PDE4D: variants seen among roughly 807,000 people sequenced by gnomAD.
PDE4D encodes phosphodiesterase 4D.
In PDE4D, 24 loss-of-function variants were observed where a neutral mutation model predicts 87.4. That is an observed-to-expected ratio of 0.27 (90% CI 0.20 to 0.39). The LOEUF is 0.39. Ranked by LOEUF, PDE4D falls within the 10% of genes least tolerant of loss-of-function variation. The pLI, the probability that PDE4D is intolerant of heterozygous loss-of-function variation, is 1.00. For missense variants in PDE4D, 714 were observed against 1,041.0 expected, an observed-to-expected ratio of 0.69 and a Z score of 4.32; for synonymous variants, 384 against 383.2, an observed-to-expected ratio of 1.00 and a Z score of -0.02.
chr5:60,308,871 C>G (rs944330698), intron 1 of PDE4D, among the ~76,000 whole-genome samples: 2 of 152,106 alleles, frequency 1.3e-5, no homozygotes, highest in African/African-American at 4.8e-5. Context: ...ACTTGCCCCC[C>G]GCCCACCACC....
At chr5:59,243,573 C>A (rs1383795224) in intron 1 of PDE4D, among the ~76,000 whole-genome samples, 2 of 145,244 alleles carry the variant, frequency 1.4e-5, no homozygotes, top group Non-Finnish European at 3.0e-5. Context: ...GATTCTCCTG[C>A]CTCAGTCTCC....
intron 1 of PDE4D, among the ~76,000 whole-genome samples, chr5:60,337,829 T>C (rs376351241): frequency 3.9e-5 from 6 of 152,110 alleles, no homozygotes; most frequent in African/African-American, 1.2e-4. Flanking sequence ...AACCAGAGTG[T>C]AATCTTAGCT....
chr5:59,549,749 A>C (rs916572751), intron 1 of PDE4D, among the ~76,000 whole-genome samples: 4 of 152,140 alleles, frequency 2.6e-5, no homozygotes, highest in Non-Finnish European at 4.4e-5. Context: ...ACACAAACAC[A>C]CACATGTACA....
rs147133991 is a variant in PDE4D at position 59,309,234 on chromosome 5, G to A, written c.456-93266C>T. Reference sequence around the variant, plus strand: ...TCTACTCCACCTGTGGAGTCTGCACGCCAGATGTGTGCCCTCCCCTGAGTT... The same window carrying A: ...TCTACTCCACCTGTGGAGTCTGCACACCAGATGTGTGCCCTCCCCTGAGTT... On this transcript the variant is annotated intron_variant, in intron 1 of 14. Coordinates refer to ENST00000340635, the MANE Select transcript of PDE4D (RefSeq NM_001104631.2). Among the ~76,000 whole-genome samples, 142 of 152,234 alleles carry A rather than the reference G, an allele frequency of 9.3e-4. 1 individual carries two copies. Among genetic ancestry groups the A allele is most frequent in the East Asian group, 7.6e-3 (39 of 5,150 alleles).
At chr5:60,482,505 A>T (rs1402448055) in intron 1 of PDE4D, among the ~76,000 whole-genome samples, 1 of 152,132 alleles carries the variant, frequency 6.6e-6, no homozygotes, top group Non-Finnish European at 1.5e-5. Context: ...AGGTGAGCAG[A>T]CTTCTATGAG....
chr5:58,988,698 G>A (rs1355640333), intron 10 of PDE4D, 106 bp from the exon 11 acceptor site: 4 of 482,208 alleles, frequency 8.3e-6, no homozygotes, highest in African/African-American at 3.9e-5. Flanking sequence ...ACAAAATGAA[G>A]CTTCAAAATG....
rs117518784 is a variant in PDE4D, at chr5:59,487,277, G to A, written c.456-271309C>T. Among the ~76,000 whole-genome samples the A allele has an allele frequency of 7.9e-4, 120 of 152,312 alleles. 1 individual carries two copies. In the East Asian group the frequency reaches 0.021, roughly 27 times the overall value. On this transcript the variant is annotated intron_variant, in intron 1 of 14. Transcript: ENST00000340635. ...TTCAAGCATCCTGGGAAAGGTGAGC[G>A]AAACTTCTACTGGGAGTGAAAGGCA... is the stretch of plus-strand genomic sequence containing the variant.
intron 1 of PDE4D, among the ~76,000 whole-genome samples, chr5:60,404,944 A>G (rs1285603828): frequency 2.6e-5 from 4 of 152,254 alleles, no homozygotes; most frequent in Admixed American, 1.3e-4. Context: ...CCTCTAAGCC[A>G]TCTTCTCACA....
chr5:59,586,421 A>G, intron 1 of PDE4D: 7 of 1,599,590 alleles, frequency 4.4e-6, no homozygotes, highest in Admixed American at 1.7e-5. Context: ...CTCCTACGTT[A>G]CATGTAGTGA....
chr5:60,147,841 CT>C (rs1781150712), intron 2 of PDE4D: 1 of 451,940 alleles, frequency 2.2e-6, no homozygotes, highest in African/African-American at 2.0e-5. Context: ...GCTTGAGTGT[CT>C]TTGTGAGTTG....
At chr5:59,156,188 A>C (rs1340585949) in intron 5 of PDE4D, among the ~76,000 whole-genome samples, 1 of 151,970 alleles carries the variant, frequency 6.6e-6, no homozygotes, top group African/African-American at 2.4e-5. Context: ...ATTTTCCCAA[A>C]GTGAGTAAGG....
intron 3 of PDE4D, among the ~76,000 whole-genome samples, chr5:59,940,483 A>C (rs901914743): frequency 3.9e-5 from 6 of 152,050 alleles, no homozygotes; most frequent in Non-Finnish European, 8.8e-5. Context: ...AAGGTATTTA[A>C]ATGGGTTTGG....
intron 1 of PDE4D, among the ~76,000 whole-genome samples, chr5:59,712,615 G>A (rs1388902740): frequency 6.7e-6 from 1 of 149,928 alleles, no homozygotes; most frequent in Non-Finnish European, 1.5e-5. Flanking sequence ...TCTGCCCAAT[G>A]AGCATAAAGC....
intron 1 of PDE4D, among the ~76,000 whole-genome samples, chr5:59,390,145 A>G (rs1787947617): frequency 6.6e-6 from 1 of 152,112 alleles, no homozygotes; most frequent in African/African-American, 2.4e-5. Flanking sequence ...ACAAATATTT[A>G]CAGTAAAAAG....
intron 1 of PDE4D, among the ~76,000 whole-genome samples, chr5:59,386,993 C>G (rs1357723426): frequency 3.3e-5 from 5 of 152,094 alleles, no homozygotes; most frequent in African/African-American, 1.2e-4. Flanking sequence ...GAATTAGGAT[C>G]ACGTAATGTA....
chr5:59,865,217 A>G (rs1561786292), intron 1 of PDE4D, among the ~76,000 whole-genome samples: 1 of 152,220 alleles, frequency 6.6e-6, no homozygotes, highest in Non-Finnish European at 1.5e-5. Context: ...GTGCAAAACA[A>G]TGTTTAGAAT....
chr5:59,098,183 A>G (rs1365697096), intron 5 of PDE4D, among the ~76,000 whole-genome samples: 1 of 152,186 alleles, frequency 6.6e-6, no homozygotes, highest in Non-Finnish European at 1.5e-5. Context: ...CATATATCCA[A>G]TAACTAAATA....
intron 1 of PDE4D, among the ~76,000 whole-genome samples, chr5:59,892,429 G>C (rs927013646): frequency 6.6e-6 from 1 of 151,824 alleles, no homozygotes; most frequent in African/African-American, 2.4e-5. Flanking sequence ...ATACACACAC[G>C]GTCTCCCTAC....
intron 1 of PDE4D, among the ~76,000 whole-genome samples, chr5:59,818,030 C>G (rs540534052): frequency 6.6e-6 from 1 of 152,122 alleles, no homozygotes; most frequent in Non-Finnish European, 1.5e-5. Flanking sequence ...GTTAGGGAGA[C>G]ACTCTGAGGA....
Sources: allele counts gnomAD v4.1 joint callset (sites outside exome capture counted in the v4.1 genomes callset), GRCh38; gene constraint gnomAD v4.1.1; transcripts MANE v1.5; gene names NCBI Gene and HGNC (gene_info 2026-07-23, HGNC 2026-07-21).